The following SNTG1 variants were observed in gnomAD, a reference collection of about 807,000 sequenced individuals.
SNTG1 encodes syntrophin gamma 1.
Under a neutral mutation model 74.7 loss-of-function variants are expected in SNTG1, and 39 were observed. That is an observed-to-expected ratio of 0.52 (90% CI 0.40 to 0.68). The LOEUF (loss-of-function observed/expected upper bound fraction) is 0.68, where lower values mean the gene tolerates loss of function less well. SNTG1 is among the 30% of genes least tolerant of loss of function. The pLI, the probability that SNTG1 is intolerant of heterozygous loss-of-function variation, is 0.00. For missense variants in SNTG1, 685 were observed against 609.5 expected (o/e 1.12, Z -1.30); for synonymous variants, 254 against 217.1 (o/e 1.17, Z -1.49).
chr8:50,085,719 A>G (rs1822822576), intron 1 of SNTG1, among the ~76,000 whole-genome samples: 1 of 152,186 alleles, frequency 6.6e-6, no homozygotes, highest in Admixed American at 6.5e-5. Context: ...ATTATTTTTC[A>G]TCTGATTAGC....
intron 13 of SNTG1, among the ~76,000 whole-genome samples, chr8:50,617,964 T>C (rs932997490): frequency 1.5e-4 from 23 of 152,170 alleles, no homozygotes; most frequent in African/African-American, 5.5e-4. Flanking sequence ...AAATTGGGCA[T>C]AAGACAATAT....
intron 12 of SNTG1, among the ~76,000 whole-genome samples, chr8:50,584,686 T>G: frequency 6.6e-6 from 1 of 152,074 alleles, no homozygotes. Flanking sequence ...CTCTAGGTTT[T>G]AGTTTAGACA....
intron 1 of SNTG1, among the ~76,000 whole-genome samples, chr8:50,117,572 G>C (rs1022348455): frequency 6.6e-6 from 1 of 152,148 alleles, no homozygotes; most frequent in African/African-American, 2.4e-5. Flanking sequence ...CATGGCACCA[G>C]TCCTCATGCC....
In SNTG1 at chr8:50,235,254, T is replaced by C. The variant is rs28552719; in HGVS notation, c.-28+62619T>C. 2.8e-3 allele frequency among the ~76,000 whole-genome samples: 428 copies of C among 152,240 alleles called. 4 individuals carry two copies. The highest frequency in any genetic ancestry group is 9.6e-3 in the African/African-American group (397 of 41,552). On this transcript the variant is annotated intron_variant, in intron 2 of 18. Coordinates refer to ENST00000642720, the MANE Select transcript of SNTG1 (RefSeq NM_018967.5). ...GTGGAATATGTGTATAGTGGAATAC[T>C]ACTCTGTCATAAAAGGAAGGGAATT...
At chr8:50,254,948 C>CTTTTTTT (rs4006072) in intron 2 of SNTG1, among the ~76,000 whole-genome samples, 4 of 85,258 alleles carry the variant, frequency 4.7e-5, no homozygotes, top group African/African-American at 1.6e-4. Flanking sequence ...TTTATTGCCA[C>CTTTTTTT]TTTTTTTTTT....
At chr8:50,076,295 A>G (rs1001792016) in intron 1 of SNTG1, among the ~76,000 whole-genome samples, 8 of 152,174 alleles carry the variant, frequency 5.3e-5, no homozygotes, top group South Asian at 2.1e-4. Flanking sequence ...GAAAGAAACA[A>G]AAACAAAAAA....
intron 1 of SNTG1, among the ~76,000 whole-genome samples, chr8:50,062,385 AT>A (rs931936900): frequency 6.7e-5 from 10 of 149,734 alleles, no homozygotes; most frequent in South Asian, 4.3e-4. Flanking sequence ...GGATTTGTCT[AT>A]TTTTTTTTCA....
chr8:49,934,402 C>T (rs908803470), intron 1 of SNTG1, among the ~76,000 whole-genome samples: 3 of 151,950 alleles, frequency 2.0e-5, no homozygotes, highest in African/African-American at 7.3e-5. Flanking sequence ...TGTAGACTTT[C>T]TTTGAGAGAA....
At chr8:50,258,213 C>T (rs989575435) in intron 2 of SNTG1, among the ~76,000 whole-genome samples, 1 of 152,168 alleles carries the variant, frequency 6.6e-6, no homozygotes, top group African/African-American at 2.4e-5. Flanking sequence ...GATCCGAAAG[C>T]AGTTTCACTG....
chr8:50,495,514 C>G (rs1266306165), intron 8 of SNTG1, among the ~76,000 whole-genome samples: 1 of 148,916 alleles, frequency 6.7e-6, no homozygotes, highest in East Asian at 2.0e-4. Context: ...TTATATTTGA[C>G]TTCACATAGT....
chr8:50,566,956 CT>C (rs1459535323), intron 12 of SNTG1, among the ~76,000 whole-genome samples: 2 of 151,976 alleles, frequency 1.3e-5, no homozygotes, highest in Non-Finnish European at 2.9e-5. Context: ...TGCAATTTTT[CT>C]TCTTTCCAGT....
chr8:49,957,522 C>A (rs955746717), intron 1 of SNTG1, among the ~76,000 whole-genome samples: 4 of 152,222 alleles, frequency 2.6e-5, no homozygotes, highest in African/African-American at 9.6e-5. Context: ...TCTCCACACA[C>A]CAGATGAGTG....
chr8:50,669,313 AAGAG>A (rs1191229781), intron 15 of SNTG1, among the ~76,000 whole-genome samples: 3 of 152,160 alleles, frequency 2.0e-5, no homozygotes, highest in Non-Finnish European at 2.9e-5. Flanking sequence ...ATAAAGAAAA[AAGAG>A]AGAAGAATCA....
intron 8 of SNTG1, chr8:50,491,547 G>T (rs533667013): frequency 6.6e-6 from 1 of 152,308 alleles, no homozygotes. Flanking sequence ...CGGAGCTGGC[G>T]GTCAGCAGCC....
intron 18 of SNTG1, among the ~76,000 whole-genome samples, chr8:50,780,282 C>T (rs556177797): frequency 5.1e-4 from 78 of 152,124 alleles, no homozygotes; most frequent in Non-Finnish European, 9.3e-4. Context: ...GGAATGGTAC[C>T]AGTTCCTCCT....
intron 18 of SNTG1, among the ~76,000 whole-genome samples, chr8:50,780,731 C>A (rs1178236373): frequency 6.6e-6 from 1 of 152,062 alleles, no homozygotes; most frequent in Non-Finnish European, 1.5e-5. Context: ...TTAGTTATTT[C>A]TTGCCTTCTG....
At chr8:50,301,260 C>G (rs2130666135) in intron 2 of SNTG1, among the ~76,000 whole-genome samples, 1 of 151,912 alleles carries the variant, frequency 6.6e-6, no homozygotes, top group Non-Finnish European at 1.5e-5. Context: ...CTTTATTTTT[C>G]TTTTTACATT....
intron 1 of SNTG1, among the ~76,000 whole-genome samples, chr8:49,982,441 T>C (rs867809543): frequency 6.6e-6 from 1 of 152,004 alleles, no homozygotes; most frequent in African/African-American, 2.4e-5. Context: ...TTGAATCTTT[T>C]CTAATTTTGA....
At chr8:50,676,421 G>A (rs2095309855) in intron 15 of SNTG1, among the ~76,000 whole-genome samples, 1 of 151,916 alleles carries the variant, frequency 6.6e-6, no homozygotes, top group Non-Finnish European at 1.5e-5. Context: ...CTTGGCTATT[G>A]ATGCTTGTGT....
Sources: allele counts gnomAD v4.1 joint callset (sites outside exome capture counted in the v4.1 genomes callset), GRCh38; gene constraint gnomAD v4.1.1; transcripts MANE v1.5; gene names NCBI Gene and HGNC (gene_info 2026-07-23, HGNC 2026-07-21).